Variants in CDH12 observed in about 807,000 individuals in gnomAD.
The protein encoded by CDH12 is cadherin-12.
CDH12 carries 41 observed loss-of-function variants against 74.1 expected under a neutral mutation model. That is an observed-to-expected ratio of 0.55 (90% CI 0.43 to 0.72). The LOEUF (loss-of-function observed/expected upper bound fraction) is 0.72, where lower values mean the gene tolerates loss of function less well. Among genes scored for constraint, CDH12 ranks in the 30% least tolerant of loss-of-function variants. The probability of loss-of-function intolerance (pLI) is 0.00; values close to 1 mark genes in which losing one functional copy is unlikely to be tolerated. For missense variants in CDH12, 945 were observed against 977.2 expected, an observed-to-expected ratio of 0.97 and a Z score of 0.44; for synonymous variants, 399 against 355.0, an observed-to-expected ratio of 1.12 and a Z score of -1.39.
At chr5:22,321,512 G>A (rs1298345534) in intron 3 of CDH12, among the ~76,000 whole-genome samples, 1 of 118,340 alleles carries the variant, frequency 8.5e-6, no homozygotes, top group African/African-American at 3.4e-5. Flanking sequence ...GGGGAGGGGG[G>A]AGGGATAGCA....
chr5:22,694,454 C>T (rs1742244104), intron 1 of CDH12, among the ~76,000 whole-genome samples: 1 of 152,076 alleles, frequency 6.6e-6, no homozygotes, highest in Admixed American at 6.5e-5. Context: ...AATTTCTCTT[C>T]AATTGCTCTC....
intron 1 of CDH12, among the ~76,000 whole-genome samples, chr5:22,536,857 C>T (rs1737870292): frequency 6.6e-6 from 1 of 152,188 alleles, no homozygotes; most frequent in Admixed American, 6.5e-5. Context: ...CTTGACTGCA[C>T]AAAAACTTCT....
intron 1 of CDH12, among the ~76,000 whole-genome samples, chr5:22,801,959 T>G (rs1379421815): frequency 6.6e-6 from 1 of 151,812 alleles, no homozygotes; most frequent in East Asian, 1.9e-4. Flanking sequence ...ATTAAATGTA[T>G]GTGGACCATC....
intron 1 of CDH12, among the ~76,000 whole-genome samples, chr5:22,666,657 C>A (rs930100951): frequency 6.6e-6 from 1 of 152,056 alleles, no homozygotes; most frequent in African/African-American, 2.4e-5. Flanking sequence ...CTGCAAGAGT[C>A]CCGTAATTTG....
intron 1 of CDH12, among the ~76,000 whole-genome samples, chr5:22,559,598 C>CT (rs1218812339): frequency 5.3e-5 from 8 of 152,068 alleles, no homozygotes; most frequent in African/African-American, 1.9e-4. Context: ...GATGATGTTA[C>CT]TTTTTATCTC....
intron 6 of CDH12, among the ~76,000 whole-genome samples, chr5:21,936,532 T>G: frequency 6.6e-6 from 1 of 152,220 alleles, no homozygotes; most frequent in East Asian, 1.9e-4. Flanking sequence ...TGAAGTCATT[T>G]AAACAAATAA....
At chr5:22,492,231 G>A (rs1746903929) in intron 2 of CDH12, among the ~76,000 whole-genome samples, 3 of 152,030 alleles carry the variant, frequency 2.0e-5, no homozygotes, top group Admixed American at 2.0e-4. Flanking sequence ...AGAAGCTGCA[G>A]GGCAGGACCC....
intron 1 of CDH12, among the ~76,000 whole-genome samples, chr5:22,509,891 T>G (rs1398399124): frequency 6.6e-6 from 1 of 151,560 alleles, no homozygotes; most frequent in Admixed American, 6.6e-5. Flanking sequence ...CAACCCAGAG[T>G]AGTAATATAA....
chr5:22,439,190 A>G (rs1332127765), intron 2 of CDH12, among the ~76,000 whole-genome samples: 1 of 151,976 alleles, frequency 6.6e-6, no homozygotes, highest in Non-Finnish European at 1.5e-5. Flanking sequence ...TAATACATAT[A>G]ATTATTAAAA....
At chr5:22,617,309 G>T (rs918517987) in intron 1 of CDH12, among the ~76,000 whole-genome samples, 1 of 152,040 alleles carries the variant, frequency 6.6e-6, no homozygotes, top group Non-Finnish European at 1.5e-5. Context: ...GCACCTTGAT[G>T]TTAGACTTCC....
Position 21,759,672 on chromosome 5 carries a change from ATTAT to A in CDH12, c.1633+882_1633+885del, listed in dbSNP as rs953078115. Among the ~76,000 whole-genome samples the A allele has an allele frequency of 3.0e-4, 45 of 152,128 alleles. 1 individual carries two copies. The highest frequency in any genetic ancestry group is 8.9e-4 in the African/African-American group (37 of 41,522). On this transcript the variant is annotated intron_variant, in intron 13 of 14. Transcript: ENST00000382254. ...ATACCTGCATTCTTTAAATTTATTT[ATTAT>A]TTATTTATTTTTTAACGTTTATTTT...
chr5:22,535,143 CT>C lies in CDH12; in HGVS notation c.-522-29780del, dbSNP rs767048116. Reference sequence around the variant, plus strand: ...CCTGCCACCATGCCTGGCTAATTTTCTTTTTTTTTTTTTTCTTTTTTTTTTT... The same window carrying C: ...CCTGCCACCATGCCTGGCTAATTTTCTTTTTTTTTTTTTCTTTTTTTTTTT... On this transcript the variant is annotated intron_variant, in intron 1 of 14. Transcript: ENST00000382254. Among the ~76,000 whole-genome samples the C allele has an allele frequency of 5.0e-3, 347 of 69,204 alleles. 4 individuals are homozygous for C. Among genetic ancestry groups the C allele is most frequent in the African/African-American group, 0.014 (259 of 18,906 alleles). 45.4% of individuals were successfully genotyped at this position (69,204 alleles called of 152,430 possible). A position where few individuals can be genotyped will look rare whatever the true frequency, so the allele number is the denominator to read the frequency against.
intron 9 of CDH12, among the ~76,000 whole-genome samples, chr5:21,807,397 G>C (rs1747490081): frequency 6.6e-6 from 1 of 152,068 alleles, no homozygotes; most frequent in African/African-American, 2.4e-5. Flanking sequence ...CTTTACTGCA[G>C]TACCATGGTC....
At chr5:22,738,027 A>G (rs1263901531) in intron 1 of CDH12, among the ~76,000 whole-genome samples, 1 of 152,008 alleles carries the variant, frequency 6.6e-6, no homozygotes, top group Non-Finnish European at 1.5e-5. Context: ...AGGGTCTGAA[A>G]ATTGTACAGC....
At chr5:22,763,162 T>C (rs962251865) in intron 1 of CDH12, among the ~76,000 whole-genome samples, 2 of 151,978 alleles carry the variant, frequency 1.3e-5, no homozygotes, top group Admixed American at 6.6e-5. Context: ...ATCATGGTAA[T>C]TTAAGTGTGT....
At chr5:21,975,006 A>G in intron 6 of CDH12, 85 bp downstream of exon 6, 3 of 797,230 alleles carry the variant, frequency 3.8e-6, no homozygotes, top group Non-Finnish European at 6.0e-6. Flanking sequence ...TTTAGATGAT[A>G]GATAAGATGT....
At chr5:21,782,988 G>A (rs1382253790) in intron 11 of CDH12, among the ~76,000 whole-genome samples, 1 of 152,114 alleles carries the variant, frequency 6.6e-6, no homozygotes, top group Non-Finnish European at 1.5e-5. Flanking sequence ...TTCAGAATGG[G>A]TGATTTTACA....
chr5:22,119,285 GTTTT>G (rs397996987), intron 4 of CDH12, among the ~76,000 whole-genome samples: 644 of 99,010 alleles, frequency 6.5e-3, no homozygotes, highest in African/African-American at 0.021. Context: ...CTTCTACTTC[GTTTT>G]TTTTTTTTTT....
rs1363515777 is a variant in CDH12, at chr5:22,201,671, C to CA, written c.-187+10826dup. Among the ~76,000 whole-genome samples, 4 of 151,570 alleles carry CA rather than the reference C, an allele frequency of 2.6e-5. No homozygotes were observed. In the South Asian group the frequency reaches 6.2e-4, roughly 24 times the overall value. On this transcript the variant is annotated intron_variant, in intron 4 of 14. Transcript: ENST00000382254. ...TGTACTTGTACCCCTTAAATATATA[C>CA]AAAAAAATGGGTGTCCAGTGGGGGT...
Sources: gnomAD v4.1 joint callset for allele counts (sites outside exome capture counted in the v4.1 genomes callset) on GRCh38, gnomAD v4.1.1 for gene constraint, MANE v1.5 for transcripts, NCBI Gene and HGNC (gene_info 2026-07-23, HGNC 2026-07-21) for gene names.